CNTN4: variants seen among roughly 807,000 people sequenced by gnomAD.
CNTN4 encodes contactin 4.
In CNTN4, 77 loss-of-function variants were observed where a neutral mutation model predicts 122.5. The ratio of observed to expected loss-of-function variants is 0.63; its 90% CI spans 0.52 to 0.76. The LOEUF (loss-of-function observed/expected upper bound fraction) is 0.76. Ranked by LOEUF, CNTN4 falls within the 30% of genes least tolerant of loss-of-function variation. The probability of loss-of-function intolerance (pLI) is 0.00; values close to 1 mark genes in which losing one functional copy is unlikely to be tolerated. For synonymous variants in CNTN4, 512 were observed against 447.0 expected, an observed-to-expected ratio of 1.15 and a Z score of -1.83; for missense variants, 1,256 against 1,259.1, an observed-to-expected ratio of 1.00 and a Z score of 0.04.
intron 4 of CNTN4, among the ~76,000 whole-genome samples, chr3:2,683,894 C>G (rs1012029520): frequency 1.8e-4 from 28 of 152,056 alleles, no homozygotes; most frequent in African/African-American, 6.8e-4. Context: ...CTTAAACCTA[C>G]CAAAAAAGAG....
At chr3:2,652,222 T>C (rs960998071) in intron 4 of CNTN4, among the ~76,000 whole-genome samples, 1 of 152,042 alleles carries the variant, frequency 6.6e-6, no homozygotes, top group Non-Finnish European at 1.5e-5. Flanking sequence ...ACCCTGTCTC[T>C]GAAACAGACA....
intron 2 of CNTN4, among the ~76,000 whole-genome samples, chr3:2,166,518 A>T (rs1166065695): frequency 1.3e-5 from 2 of 151,518 alleles, no homozygotes; most frequent in Non-Finnish European, 2.9e-5. Context: ...TAATGAGTTC[A>T]GTAAAATATA....
chr3:2,489,959 C>G (rs2076268450), intron 3 of CNTN4, among the ~76,000 whole-genome samples: 1 of 151,974 alleles, frequency 6.6e-6, no homozygotes, highest in Non-Finnish European at 1.5e-5. Context: ...TTATATTTTT[C>G]TACAACCACT....
At chr3:2,675,425 C>G (rs1233621380) in intron 4 of CNTN4, among the ~76,000 whole-genome samples, 1 of 152,208 alleles carries the variant, frequency 6.6e-6, no homozygotes, top group Non-Finnish European at 1.5e-5. Flanking sequence ...AGGTCTTTGA[C>G]TTTCTAAAAT....
intron 3 of CNTN4, among the ~76,000 whole-genome samples, chr3:2,549,098 T>C (rs2078371144): frequency 7.9e-6 from 1 of 125,870 alleles, no homozygotes; most frequent in African/African-American, 2.5e-5. Flanking sequence ...GGTTTCTAAA[T>C]ATACAATCAT....
chr3:2,757,409 C>T (rs75648909), intron 6 of CNTN4, among the ~76,000 whole-genome samples: 1,672 of 152,270 alleles, frequency 0.011, 28 homozygotes, highest in African/African-American at 0.038. Context: ...TTTTCTAGGT[C>T]ATTTTCCCTG....
chr3:2,910,162 A>G (rs1291159200), intron 12 of CNTN4, among the ~76,000 whole-genome samples: 1 of 152,368 alleles, frequency 6.6e-6, no homozygotes, highest in Non-Finnish European at 1.5e-5. Context: ...GCTGCATGGC[A>G]TGACTCTGGT....
intron 4 of CNTN4, among the ~76,000 whole-genome samples, chr3:2,585,882 A>G (rs2080179530): frequency 6.6e-6 from 1 of 152,120 alleles, no homozygotes; most frequent in South Asian, 2.1e-4. Context: ...GGGGAGAAAA[A>G]AAAAAAAGCT....
chr3:2,333,907 T>TGA (rs2043837402), intron 2 of CNTN4, among the ~76,000 whole-genome samples: 1 of 49,868 alleles, frequency 2.0e-5, no homozygotes, highest in South Asian at 1.6e-3. Context: ...TAACTACCTG[T>TGA]GAAGGAAGTA....
chr3:2,263,478 C>G (rs1451298898), intron 2 of CNTN4, among the ~76,000 whole-genome samples: 1 of 151,958 alleles, frequency 6.6e-6, no homozygotes, highest in Non-Finnish European at 1.5e-5. Context: ...ATTTTTCTTT[C>G]TTTAATTAAA....
chr3:2,577,134 T>C (rs1447751412), intron 4 of CNTN4, among the ~76,000 whole-genome samples: 1 of 152,212 alleles, frequency 6.6e-6, no homozygotes, highest in Non-Finnish European at 1.5e-5. Context: ...TACTTTTTTC[T>C]TCTTTACTTC....
At chr3:2,186,131 C>A (rs1200981299) in intron 2 of CNTN4, among the ~76,000 whole-genome samples, 2 of 145,648 alleles carry the variant, frequency 1.4e-5, no homozygotes, top group Non-Finnish European at 3.0e-5. Flanking sequence ...CTTCCTGTGT[C>A]CAAGTGTTCT....
intron 3 of CNTN4, among the ~76,000 whole-genome samples, chr3:2,480,138 T>TA (rs34620234): frequency 0.39 from 58,839 of 151,516 alleles, 11,902 homozygotes; most frequent in East Asian, 0.59. Flanking sequence ...AAAGAATATC[T>TA]AAAAAAAACC....
chr3:2,908,967 A>G (rs1324788548), intron 12 of CNTN4, among the ~76,000 whole-genome samples: 2 of 152,190 alleles, frequency 1.3e-5, no homozygotes, highest in African/African-American at 2.4e-5. Context: ...TGATGGCCCA[A>G]TTAAAGTGAG....
intron 3 of CNTN4, among the ~76,000 whole-genome samples, chr3:2,501,274 A>T (rs980793811): frequency 1.3e-5 from 2 of 152,204 alleles, no homozygotes; most frequent in Non-Finnish European, 2.9e-5. Flanking sequence ...TTACTAGACC[A>T]CCACTAGGAA....
intron 3 of CNTN4, among the ~76,000 whole-genome samples, chr3:2,425,623 T>C (rs2047797059): frequency 6.6e-6 from 1 of 152,178 alleles, no homozygotes; most frequent in Non-Finnish European, 1.5e-5. Flanking sequence ...CATTGGTAGC[T>C]TGATGGGGAT....
intron 2 of CNTN4, among the ~76,000 whole-genome samples, chr3:2,330,054 C>A (rs187200823): frequency 2.8e-4 from 42 of 152,264 alleles, no homozygotes; most frequent in Admixed American, 9.2e-4. Context: ...AGTCCTAAAT[C>A]GGGCTCCCCA....
chr3:3,054,590 A>G (rs1176958341), intron 24 of CNTN4, among the ~76,000 whole-genome samples: 4 of 152,200 alleles, frequency 2.6e-5, no homozygotes, highest in South Asian at 2.1e-4. Context: ...TCTTAAGAGC[A>G]TGATTTTTTT....
intron 4 of CNTN4, among the ~76,000 whole-genome samples, chr3:2,731,511 T>C (rs1307957427): frequency 1.3e-5 from 2 of 152,208 alleles, no homozygotes; most frequent in African/African-American, 4.8e-5. Context: ...GTGTGTCAGA[T>C]CAATGGTCTG....
Sources: allele counts gnomAD v4.1 joint callset (sites outside exome capture counted in the v4.1 genomes callset), GRCh38; gene constraint gnomAD v4.1.1; transcripts MANE v1.5; gene names NCBI Gene and HGNC (gene_info 2026-07-23, HGNC 2026-07-21).